STUM: variants seen among roughly 807,000 people sequenced by gnomAD.
STUM encodes protein stum homolog.
A neutral mutation model predicts 15.3 loss-of-function variants in STUM; 8 were observed. The observed-to-expected ratio is 0.52, with a 90% confidence interval of 0.31 to 0.94. The LOEUF is 0.94. Ranked by LOEUF, STUM falls within the 40% of genes least tolerant of loss-of-function variation. STUM has a pLI of 0.05. For missense variants in STUM, 142 were observed against 204.9 expected, an observed-to-expected ratio of 0.69 and a Z score of 1.87; for synonymous variants, 78 against 88.7, an observed-to-expected ratio of 0.88 and a Z score of 0.68.
Position 226,573,089 on chromosome 1 carries a change from T to C in STUM, c.203-23713T>C, listed in dbSNP as rs530203479. 1.4e-4 allele frequency among the ~76,000 whole-genome samples: 22 copies of C among 152,290 alleles called. No individual in the cohort carries two copies. In the South Asian group the frequency reaches 4.6e-3, roughly 32 times the overall value. On this transcript the variant is annotated intron_variant, in intron 1 of 3. Transcript: ENST00000366788. The stretch of plus-strand genomic sequence containing the variant: ...GTTGTTTTCATCCAACTTTCCGGAG[T>C]TGGTCCAGCACCTGCTGTAGTGTTA...
At chr1:226,599,508 G>A (rs536378483) in intron 2 of STUM, among the ~76,000 whole-genome samples, 40 of 152,304 alleles carry the variant, frequency 2.6e-4, no homozygotes, top group African/African-American at 9.1e-4. Flanking sequence ...CTTCTTTCTG[G>A]TGTCAGTCCA....
chr1:226,580,402 C>G (rs1022544188), intron 1 of STUM, among the ~76,000 whole-genome samples: 11 of 151,888 alleles, frequency 7.2e-5, no homozygotes, highest in African/African-American at 2.4e-4. Context: ...CAATCAGGTG[C>G]CCTGGGTGGA....
chr1:226,550,534 G>T (rs906946395), intron 1 of STUM, among the ~76,000 whole-genome samples: 1 of 151,650 alleles, frequency 6.6e-6, no homozygotes, highest in Non-Finnish European at 1.5e-5. Flanking sequence ...AAAAGAGACT[G>T]CCTGCCCCTC....
chr1:226,548,954 T>TGGCGGC lies in STUM; in HGVS notation c.56_61dup (p.Ala19_Ala20dup). 1 of 1,462,776 alleles carries TGGCGGC rather than the reference T, an allele frequency of 6.8e-7. No homozygotes were observed. The highest frequency in any genetic ancestry group is 1.8e-4 in the Middle Eastern group (1 of 5,482). 90.6% of individuals were successfully genotyped at this position (1,462,776 alleles called of 1,614,324 possible). A position where few individuals can be genotyped will look rare whatever the true frequency, so the allele number is the denominator to read the frequency against. The stretch of plus-strand genomic sequence containing the variant: ...GAGACGGCGGCGGCGGCGGCGGCGG[T>TGGCGGC]GGCGGCGGCGGACCCCCGGGGGGCG... On this transcript the variant is annotated inframe_insertion, in exon 1 of 4. Coordinates refer to ENST00000366788, the MANE Select transcript of STUM (RefSeq NM_001003665.4).
rs1024590650 is a variant in STUM, at chr1:226,606,896, C to G, written c.*4856C>G. On this transcript the variant is annotated 3_prime_UTR_variant, in exon 4 of 4. Coordinates refer to ENST00000366788, the MANE Select transcript of STUM (RefSeq NM_001003665.4). ...TGCATTAACTCATCAGCAAGCTCAT[C>G]GAGAGCTAACGTGGGCCCAGCAGTC... is the stretch of plus-strand genomic sequence containing the variant. 6.6e-6 allele frequency: 1 copy of G among 152,292 alleles called. No individual in the cohort carries two copies. The highest frequency in any genetic ancestry group is 1.5e-5 in the Non-Finnish European group (1 of 68,102). 9.4% of individuals were successfully genotyped at this position (152,292 alleles called of 1,614,324 possible).
At chr1:226,584,950 T>C (rs1667973682) in intron 1 of STUM, among the ~76,000 whole-genome samples, 1 of 152,244 alleles carries the variant, frequency 6.6e-6, no homozygotes, top group African/African-American at 2.4e-5. Context: ...AATATTTTGC[T>C]TAATACACTC....
At chr1:226,550,525 A>G (rs1667358113) in intron 1 of STUM, among the ~76,000 whole-genome samples, 1 of 151,854 alleles carries the variant, frequency 6.6e-6, no homozygotes. Context: ...GCTGGAGTAA[A>G]AAGAGACTGC....
At chr1:226,601,862 A>C (rs1367193644) in intron 3 of STUM, 144 bp from the exon 4 acceptor site, 2 of 657,434 alleles carry the variant, frequency 3.0e-6, no homozygotes, top group Admixed American at 4.3e-5. Flanking sequence ...AGCCCTTGGG[A>C]AAAGTTGTGC....
In STUM at chr1:226,548,788, C is replaced by A; in HGVS notation, c.-117C>A. ...CGCGAGCCGCGCGGCGCACGGAGCACGGCGGCCGCCTGAGCTCGGCGCGGA... is the reference window on the plus strand; with the variant it reads ...CGCGAGCCGCGCGGCGCACGGAGCAAGGCGGCCGCCTGAGCTCGGCGCGGA... On this transcript the variant is annotated 5_prime_UTR_variant, in exon 1 of 4. Coordinates refer to ENST00000366788, the MANE Select transcript of STUM (RefSeq NM_001003665.4). The A allele has an allele frequency of 1.2e-6, 1 of 849,578 alleles. No homozygotes were observed. The highest frequency in any genetic ancestry group is 1.5e-6 in the Non-Finnish European group (1 of 649,316). The allele number at this position is 849,578 out of a possible 1,614,324, so 52.6% of individuals were successfully genotyped here.
chr1:226,571,926 C>T (rs189800449), intron 1 of STUM, among the ~76,000 whole-genome samples: 40 of 152,316 alleles, frequency 2.6e-4, no homozygotes, highest in African/African-American at 8.7e-4. Flanking sequence ...CAGGCGTGAG[C>T]CACCACACCC....
chr1:226,578,867 C>A (rs1382711345), intron 1 of STUM, among the ~76,000 whole-genome samples: 3 of 152,156 alleles, frequency 2.0e-5, no homozygotes, highest in Non-Finnish European at 4.4e-5. Context: ...TTGCTGATTT[C>A]TCTCTCAAGC....
chr1:226,606,522 T>C lies in STUM; in HGVS notation c.*4482T>C, dbSNP rs887509391. 10 of 152,232 alleles carry C rather than the reference T, an allele frequency of 6.6e-5. No individual in the cohort carries two copies. The highest frequency in any genetic ancestry group is 1.9e-4 in the African/African-American group (8 of 41,458). The allele number at this position is 152,232 out of a possible 1,614,324, so 9.4% of individuals were successfully genotyped here. On this transcript the variant is annotated 3_prime_UTR_variant, in exon 4 of 4. Coordinates refer to ENST00000366788, the MANE Select transcript of STUM (RefSeq NM_001003665.4). The stretch of plus-strand genomic sequence containing the variant: ...CATAAATGCTTGGGGGCGTGTCATT[T>C]AAATGGAAGTTCTCCAATAGTGGCT...
At chr1:226,581,497 C>T (rs1667918203) in intron 1 of STUM, among the ~76,000 whole-genome samples, 1 of 152,234 alleles carries the variant, frequency 6.6e-6, no homozygotes, top group African/African-American at 2.4e-5. Context: ...TGTATCATTA[C>T]GTGGCAGAGG....
intron 1 of STUM, among the ~76,000 whole-genome samples, chr1:226,566,746 A>G (rs1002295664): frequency 6.6e-5 from 10 of 152,230 alleles, no homozygotes; most frequent in Non-Finnish European, 1.2e-4. Flanking sequence ...GTCACAAAAC[A>G]CATCTTATAT....
chr1:226,559,701 T>G (rs1667505733), intron 1 of STUM, among the ~76,000 whole-genome samples: 1 of 152,248 alleles, frequency 6.6e-6, no homozygotes, highest in African/African-American at 2.4e-5. Flanking sequence ...AGCCAGGACG[T>G]GATGGCTCAC....
chr1:226,608,015 T>G lies in STUM; in HGVS notation c.*5975T>G, dbSNP rs1668389252. 1 of 152,486 alleles carries G rather than the reference T, an allele frequency of 6.6e-6. No individual in the cohort carries two copies. 9.4% of individuals were successfully genotyped at this position (152,486 alleles called of 1,614,324 possible). A position where few individuals can be genotyped will look rare whatever the true frequency, so the allele number is the denominator to read the frequency against. ...GCACTTTTTTCCCTCATCACATCCC[T>G]GACCCCTGCCCAGCCCACATGCACA... On this transcript the variant is annotated 3_prime_UTR_variant, in exon 4 of 4. Coordinates refer to ENST00000366788, the MANE Select transcript of STUM (RefSeq NM_001003665.4). This position sits in a 1 kb window ranked among gnomAD's most constrained non-coding sequence, Gnocchi z 4.0.
chr1:226,558,597 C>T (rs146902019), intron 1 of STUM, among the ~76,000 whole-genome samples: 10 of 152,238 alleles, frequency 6.6e-5, no homozygotes, highest in South Asian at 2.1e-4. Flanking sequence ...TGGGCCTGTG[C>T]GAGGGATGCG....
rs531129279 is a variant in STUM, at chr1:226,596,924, G to A, written c.325G>A (p.Val109Ile). Residue 109 changes from valine (V) to isoleucine (I), a missense_variant, in exon 2 of 4, where the codon GTC (valine) becomes ATC (isoleucine). Around this residue, in one of 2 missense-constraint regions of STUM, gnomAD observed 29 missense variants for 70.5 expected, o/e 0.41. Transcript: ENST00000366788. ...AALIQILTAI[V>I]MVGWIMSIFW... is the part of the protein sequence containing the mutation. The stretch of plus-strand genomic sequence containing the variant: ...CCTCATCCAAATCCTCACTGCCATC[G>A]TCATGGTGGGCTGGATCATGAGCAT... The A allele has an allele frequency of 1.2e-5, 20 of 1,614,226 alleles. No homozygotes were observed. Among genetic ancestry groups the A allele is most frequent in the African/African-American group, 8.0e-5 (6 of 75,066 alleles).
At chr1:226,584,989 T>C (rs1667974017) in intron 1 of STUM, among the ~76,000 whole-genome samples, 1 of 152,228 alleles carries the variant, frequency 6.6e-6, no homozygotes, top group Non-Finnish European at 1.5e-5. Context: ...ATAAATATTT[T>C]AAAATAGTCC....
Sources: allele counts gnomAD v4.1 joint callset (sites outside exome capture counted in the v4.1 genomes callset), GRCh38; gene constraint gnomAD v4.1.1; regional missense constraint gnomAD v4.1.1; non-coding constraint Gnocchi (gnomAD v3.1); transcripts MANE v1.5; gene names NCBI Gene and HGNC (gene_info 2026-07-23, HGNC 2026-07-21).